Variants in SNX2 observed in about 807,000 individuals in gnomAD.
The protein encoded by SNX2 is sorting nexin 2.
Under a neutral mutation model 69.9 loss-of-function variants are expected in SNX2, and 25 were observed. That is an observed-to-expected ratio of 0.36 (90% CI 0.26 to 0.50). The LOEUF (loss-of-function observed/expected upper bound fraction) is 0.50, where lower values mean the gene tolerates loss of function less well. Among genes scored for constraint, SNX2 ranks in the 20% least tolerant of loss-of-function variants. The pLI is 0.97. For missense variants in SNX2, 551 were observed against 613.3 expected (o/e 0.90, Z 1.07); for synonymous variants, 229 against 200.4 (o/e 1.14, Z -1.20).
At chr5:122,784,948 T>G (rs908523683) in intron 1 of SNX2, among the ~76,000 whole-genome samples, 2 of 152,230 alleles carry the variant, frequency 1.3e-5, no homozygotes, top group African/African-American at 4.8e-5. Context: ...GAAGTATGTA[T>G]CTTTTAAGGA....
In SNX2 at chr5:122,827,380, G is replaced by A. The variant is rs1754174639; in HGVS notation, c.1358G>A (p.Trp453Ter). The A allele has an allele frequency of 6.2e-7, 1 of 1,611,824 alleles. No homozygotes were observed. Among genetic ancestry groups the A allele is most frequent in the Admixed American group, 1.7e-5 (1 of 59,942 alleles). Residue 453 changes from tryptophan (W) to a stop codon, truncating the protein, a stop_gained and splice_region_variant, in exon 13 of 15, where the codon TGG (tryptophan) becomes TAG (stop). Coordinates refer to ENST00000379516, the MANE Select transcript of SNX2 (RefSeq NM_003100.4). LOFTEE classifies it high-confidence loss of function. ...IQQAKNEIRE[W>*]EAKVQQGERD... ...AAAATATTTCTTTGTTTTTATTAGT[G>A]GGAGGCGAAAGTGCAACAAGGGGAA...
intron 6 of SNX2, among the ~76,000 whole-genome samples, chr5:122,805,926 G>A (rs1753632156): frequency 1.3e-5 from 2 of 151,838 alleles, no homozygotes; most frequent in Admixed American, 6.6e-5. Context: ...GACTACAGGC[G>A]CCCGCCACCA....
chr5:122,814,825 C>G (rs1185259270), intron 7 of SNX2, among the ~76,000 whole-genome samples: 3 of 151,906 alleles, frequency 2.0e-5, no homozygotes, highest in Non-Finnish European at 4.4e-5. Context: ...TCTCGGCTCA[C>G]TCCAACCTCC....
rs79603355 is a variant in SNX2 at position 122,787,885 on chromosome 5, T to A, written c.109-7381T>A. On this transcript the variant is annotated intron_variant, in intron 1 of 14. Transcript: ENST00000379516. The stretch of plus-strand genomic sequence containing the variant: ...GCAAATAGTTTACATGTATTATAGC[T>A]GTATACTGTATTATAATCTTTACTT... Among the ~76,000 whole-genome samples the A allele has an allele frequency of 3.5e-4, 54 of 152,378 alleles. 1 individual carries two copies. In the East Asian group the frequency reaches 0.01, roughly 29 times the overall value.
chr5:122,814,285 G>A (rs1753850971), intron 7 of SNX2, among the ~76,000 whole-genome samples: 1 of 152,150 alleles, frequency 6.6e-6, no homozygotes, highest in African/African-American at 2.4e-5. Flanking sequence ...AAATTCAAGT[G>A]GGGAAATACC....
chr5:122,808,206 T>C (rs1753695964), intron 6 of SNX2, 71 bp from the exon 7 acceptor site: 9 of 968,752 alleles, frequency 9.3e-6, no homozygotes, highest in Non-Finnish European at 1.4e-5. Flanking sequence ...TTTTAAATTA[T>C]GAAGAAATGA....
chr5:122,813,706 T>A (rs1581641391), intron 7 of SNX2, among the ~76,000 whole-genome samples: 2 of 152,150 alleles, frequency 1.3e-5, no homozygotes, highest in South Asian at 4.1e-4. Flanking sequence ...TTTGGAAAGC[T>A]GTTTTAGAAT....
Position 122,800,343 on chromosome 5 carries a change from G to A in SNX2, c.390+488G>A, listed in dbSNP as rs374754500. 1.4e-4 allele frequency among the ~76,000 whole-genome samples: 22 copies of A among 152,186 alleles called. 1 individual carries two copies. Among genetic ancestry groups the A allele is most frequent in the African/African-American group, 5.1e-4 (21 of 41,526 alleles). Reference sequence around the variant, plus strand: ...AAATTATACAGAGATTATTTTAATGGCAAAATTATGTATTTAAAAGTCATT... The same window carrying A: ...AAATTATACAGAGATTATTTTAATGACAAAATTATGTATTTAAAAGTCATT... On this transcript the variant is annotated intron_variant, in intron 3 of 14. Transcript: ENST00000379516.
intron 5 of SNX2, 61 bp downstream of exon 5, chr5:122,802,185 T>C (rs992496657): frequency 3.0e-5 from 40 of 1,340,372 alleles, no homozygotes; most frequent in Non-Finnish European, 4.0e-5. Flanking sequence ...TATGAGGATA[T>C]GGCTATGATT....
In SNX2 at chr5:122,808,295, TG is replaced by T; in HGVS notation, c.665del (p.Gly222ValfsTer11). ...KSIVGMTKVKVGKEDSSSTEF... is the reference protein window; with the variant it reads ...KSIVGMTKVKXGKEDSSSTEF... ...TTCAAAGGGATGACCAAGGTCAAAGTGGGTAAAGAAGACTCATCATCCACTG... is the reference window on the plus strand; with the variant it reads ...TTCAAAGGGATGACCAAGGTCAAAGTGGTAAAGAAGACTCATCATCCACTG... On this transcript the variant is annotated frameshift_variant, in exon 7 of 15. Transcript: ENST00000379516. LOFTEE classifies it high-confidence loss of function. 1 of 1,609,676 alleles carries T rather than the reference TG, an allele frequency of 6.2e-7. No homozygotes were observed. The highest frequency in any genetic ancestry group is 8.5e-7 in the Non-Finnish European group (1 of 1,178,320).
At position 122,775,126 on chromosome 5, in the gene SNX2, C is replaced by T. The variant is rs1229445762; in HGVS notation, c.23C>T (p.Pro8Leu). MAAEREP[P>L]PLGDGKPTDF... Reference sequence around the variant, plus strand: ...AAGATGGCGGCCGAGAGGGAACCTCCTCCGCTGGGGGACGGGAAGCCCACC... The same window carrying T: ...AAGATGGCGGCCGAGAGGGAACCTCTTCCGCTGGGGGACGGGAAGCCCACC... The change falls in exon 1 of 15, where the codon CCT (proline) becomes CTT (leucine). Residue 8 changes from proline to leucine, a missense_variant. This residue lies in a region of SNX2 where 191 missense variants were observed against 162.9 expected (regional missense o/e 1.17). Coordinates refer to ENST00000379516, the MANE Select transcript of SNX2 (RefSeq NM_003100.4). 2 of 1,593,410 alleles carry T rather than the reference C, an allele frequency of 1.3e-6. No homozygotes were observed. Among genetic ancestry groups the T allele is most frequent in the East Asian group, 2.3e-5 (1 of 44,036 alleles).
chr5:122,820,333 C>G (rs556659844), intron 11 of SNX2, among the ~76,000 whole-genome samples: 1 of 152,240 alleles, frequency 6.6e-6, no homozygotes, highest in African/African-American at 2.4e-5. Flanking sequence ...GTCAGGAGAT[C>G]AAGACCATCC....
chr5:122,803,094 T>C (rs57614576), intron 5 of SNX2, among the ~76,000 whole-genome samples: 2,093 of 152,294 alleles, frequency 0.014, 47 homozygotes, highest in African/African-American at 0.048. Flanking sequence ...ATAGAACTTA[T>C]GTTCCAGCAG....
At position 122,834,145 on chromosome 5, in the gene SNX2, T is replaced by C. The variant is rs1754356504; in HGVS notation, c.*4497T>C. The stretch of plus-strand genomic sequence containing the variant: ...CATTTCAAGATTTCTGTTTTAATTA[T>C]TAACATTTAGAATTCTAGGAAATCT... On this transcript the variant is annotated 3_prime_UTR_variant, in exon 15 of 15. Transcript: ENST00000379516. The C allele has an allele frequency of 6.6e-6, 1 of 152,232 alleles. No homozygotes were observed. Among genetic ancestry groups the C allele is most frequent in the Admixed American group, 6.5e-5 (1 of 15,286 alleles). 9.4% of individuals were successfully genotyped at this position (152,232 alleles called of 1,614,324 possible).
In SNX2 at chr5:122,818,980, C is replaced by T; in HGVS notation, c.1169C>T (p.Ser390Leu). Residue 390 changes from serine (S) to leucine (L), a missense_variant, in exon 11 of 15, where the codon TCA (serine) becomes TTA (leucine). By Grantham distance (145) the Ser-to-Leu change is moderately radical. Transcript: ENST00000379516. ...GCTTTTGCTGACTTTTATATGTTTT[C>T]AGAACTACTTAGTGACTACATTCGT... ...EQAFADFYMF[S>L]ELLSDYIRLI... 6.2e-7 allele frequency: 1 copy of T among 1,613,808 alleles called. No individual in the cohort carries two copies. The highest frequency in any genetic ancestry group is 1.1e-5 in the South Asian group (1 of 91,066).
At chr5:122,775,430 CTAA>C in intron 1 of SNX2, 1 of 1,262,126 alleles carries the variant, frequency 7.9e-7, no homozygotes, top group African/African-American at 1.5e-5. Context: ...GGGTGCCGAC[CTAA>C]TCCTCAGAGG....
Position 122,832,362 on chromosome 5 carries a change from A to C in SNX2, c.*2714A>C, listed in dbSNP as rs1350466269. 6.6e-6 allele frequency: 1 copy of C among 150,626 alleles called. No individual in the cohort carries two copies. Among genetic ancestry groups the C allele is most frequent in the Non-Finnish European group, 1.5e-5 (1 of 67,774 alleles). The allele number at this position is 150,626 out of a possible 1,614,324, so 9.3% of individuals were successfully genotyped here. On this transcript the variant is annotated 3_prime_UTR_variant, in exon 15 of 15. Transcript: ENST00000379516. ...CTTCAATATAAATATGTTGGAAAAC[A>C]ATTCTAATCAAAGAACTTCTATTAA... is the stretch of plus-strand genomic sequence containing the variant.
intron 2 of SNX2, 52 bp from the exon 3 acceptor site, chr5:122,799,640 T>C: frequency 3.0e-6 from 4 of 1,335,488 alleles, no homozygotes; most frequent in Non-Finnish European, 4.2e-6. Context: ...ATGTAGAATA[T>C]TGGGGGTTTG....
chr5:122,815,877 A>G lies in SNX2; in HGVS notation c.723-19A>G, dbSNP rs750266530. The stretch of plus-strand genomic sequence containing the variant: ...TCAAGATGCTACTGATAAAGGAGCA[A>G]TTTTACTCTTAAATCTAGGTATCTT... On this transcript the variant is annotated intron_variant, in intron 7 of 14. Transcript: ENST00000379516. 21 of 1,447,052 alleles carry G rather than the reference A, an allele frequency of 1.5e-5. No homozygotes were observed. The Admixed American group carries it at 2.8e-4, about 19-fold the overall frequency. 89.6% of individuals were successfully genotyped at this position (1,447,052 alleles called of 1,614,324 possible).
Sources: allele counts gnomAD v4.1 joint callset (sites outside exome capture counted in the v4.1 genomes callset), GRCh38; gene constraint gnomAD v4.1.1; regional missense constraint gnomAD v4.1.1; transcripts MANE v1.5; gene names NCBI Gene and HGNC (gene_info 2026-07-23, HGNC 2026-07-21).